The following TTN variants were observed in gnomAD, a reference collection of about 807,000 sequenced individuals.
TTN encodes the protein titin, also known as connectin.
TTN carries 1,525 observed loss-of-function variants against 3,223.0 expected under a neutral mutation model. The ratio of observed to expected loss-of-function variants is 0.47; its 90% CI spans 0.45 to 0.49. The LOEUF (loss-of-function observed/expected upper bound fraction) is 0.49, where lower values mean the gene tolerates loss of function less well. Among genes scored for constraint, TTN ranks in the 20% least tolerant of loss-of-function variants. The pLI is 0.00. For synonymous variants in TTN, 14,094 were observed against 15,161.0 expected (o/e 0.93, Z 5.17); for missense variants, 40,786 against 43,424.0 (o/e 0.94, Z 5.40).
chr2:178,751,441 C>A, intron 47 of TTN: 1 of 1,612,982 alleles, frequency 6.2e-7, no homozygotes, highest in Non-Finnish European at 8.5e-7. Flanking sequence ...TAGTTCTCAT[C>A]ATTCCCTTTT....
In TTN at chr2:178,594,342, ACCCAGCTCAT is replaced by A. The variant is rs1360755758; in HGVS notation, c.58142_58150+1del. On this transcript the variant is annotated splice_donor_variant and coding_sequence_variant, in exon 296 of 363. Coordinates refer to ENST00000589042, the MANE Select transcript of TTN (RefSeq NM_001267550.2). LOFTEE classifies it high-confidence loss of function. The stretch of plus-strand genomic sequence containing the variant: ...GAAGTATAAATTGTAGTAGACACAT[ACCCAGCTCAT>A]CCTTGCAAGTAATTGGTTTGGTGCA... 1 of 1,592,854 alleles carries A rather than the reference ACCCAGCTCAT, an allele frequency of 6.3e-7. No homozygotes were observed. Among genetic ancestry groups the A allele is most frequent in the South Asian group, 1.1e-5 (1 of 87,040 alleles).
intron 121 of TTN, among the ~76,000 whole-genome samples, chr2:178,690,563 A>T (rs546521986): frequency 6.6e-6 from 1 of 152,188 alleles, no homozygotes; most frequent in South Asian, 2.1e-4. Context: ...AAAAATGTTT[A>T]CAGTGTATTT....
In TTN at chr2:178,714,022, C is replaced by A; in HGVS notation, c.26636G>T (p.Ser8879Ile). The change falls in exon 92 of 363, where the codon AGC becomes ATC. Residue 8879 changes from serine to isoleucine, a missense_variant. Ser to Ile is a moderately radical substitution (Grantham distance 142, BLOSUM62 -2). Coordinates refer to ENST00000589042, the MANE Select transcript of TTN (RefSeq NM_001267550.2). The stretch of plus-strand genomic sequence containing the variant: ...AAGGCCGGATACTTTGTTGAAGAAG[C>A]TTATTTTGTATTTGTTGTCACTTGT... ...ELTSDNKYKI[S>I]FFNKVSGLKI... 1 of 1,613,518 alleles carries A rather than the reference C, an allele frequency of 6.2e-7. No homozygotes were observed. Among genetic ancestry groups the A allele is most frequent in the Non-Finnish European group, 8.5e-7 (1 of 1,179,652 alleles).
chr2:178,775,042 G>C lies in TTN; in HGVS notation c.6669C>G (p.His2223Gln), dbSNP rs1237315602. ...AGAGGAAGTGAACCTTTCTGTCAGAGTGCATCCTGTATTTATCTCCCTCAT... is the reference window on the plus strand; with the variant it reads ...AGAGGAAGTGAACCTTTCTGTCAGACTGCATCCTGTATTTATCTCCCTCAT... ...EVHEGDKYRM[H>Q]SDRKVHFLSI... The change falls in exon 29 of 363, where the codon CAC becomes CAG. Residue 2223 changes from histidine to glutamine, a missense_variant. Transcript: ENST00000589042. 1 of 1,614,020 alleles carries C rather than the reference G, an allele frequency of 6.2e-7. No individual in the cohort carries two copies. The highest frequency in any genetic ancestry group is 1.7e-5 in the Admixed American group (1 of 60,008).
Position 178,559,558 on chromosome 2 carries a change from G to A in TTN, c.86574C>T (p.Thr28858=), listed in dbSNP as rs1419529402. The A allele has an allele frequency of 3.7e-6, 6 of 1,613,758 alleles. No homozygotes were observed. The South Asian group carries it at 6.6e-5, about 18-fold the overall frequency. The change falls in exon 326 of 363, where the codon ACC becomes ACT. Residue 28858 remains threonine (T), a synonymous_variant. Transcript: ENST00000589042. ...CCCAGGATAACACTGCAGACTCTTTGGTTACATCTTGCACAGTAATGTTGG... is the reference window on the plus strand; with the variant it reads ...CCCAGGATAACACTGCAGACTCTTTAGTTACATCTTGCACAGTAATGTTGG... ...PPTNITVQDV[T]KESAVLSWDV...
At position 178,538,298 on chromosome 2, in the gene TTN, A is replaced by G. The variant is rs957818289; in HGVS notation, c.99289+242T>C. 4 of 483,742 alleles carry G rather than the reference A, an allele frequency of 8.3e-6. No individual in the cohort carries two copies. In the Admixed American group the frequency reaches 1.5e-4, roughly 18 times the overall value. The allele number at this position is 483,742 out of a possible 1,614,324, so 30.0% of individuals were successfully genotyped here. ...TGGGAAATATTTTTAAAAAGAAACC[A>G]TTGCATTAGAGGGAATTACTCAAGG... On this transcript the variant is annotated intron_variant, in intron 354 of 362. Coordinates refer to ENST00000589042, the MANE Select transcript of TTN (RefSeq NM_001267550.2).
In TTN at chr2:178,563,855, G is replaced by A. The variant is rs774473418; in HGVS notation, c.82277C>T (p.Ala27426Val). 11 of 1,613,598 alleles carry A rather than the reference G, an allele frequency of 6.8e-6. 1 individual carries two copies. The highest frequency in any genetic ancestry group is 5.0e-5 in the Admixed American group (3 of 59,970). The change falls in exon 326 of 363, where the codon GCC becomes GTC. Residue 27426 changes from alanine (A) to valine (V), a missense_variant. By Grantham distance (64) the Ala-to-Val change is moderately conservative. Transcript: ENST00000589042. This position sits in a 1 kb window ranked among gnomAD's most constrained non-coding sequence, Gnocchi z 4.5. Reference sequence around the variant, plus strand: ...AAGTTTAGTAACTTTGTAGTTAAGGGCCTGTACCTCAGTTGAAACCTGGGT... The same window carrying A: ...AAGTTTAGTAACTTTGTAGTTAAGGACCTGTACCTCAGTTGAAACCTGGGT... ...SWTQVSTEVQ[A>V]LNYKVTKLLP...
chr2:178,737,804 G>A, intron 49 of TTN: 1 of 312,288 alleles, frequency 3.2e-6, no homozygotes. Context: ...AAACTGTCCT[G>A]ATATGTTTTA....
At chr2:178,747,544 G>A (rs1574203344) in intron 47 of TTN, 1 of 1,613,280 alleles carries the variant, frequency 6.2e-7, no homozygotes, top group African/African-American at 1.3e-5. Context: ...GTTTCTGGTT[G>A]TAGTATTCAT....
At position 178,534,816 on chromosome 2, in the gene TTN, A is replaced by T. The variant is rs757788117; in HGVS notation, c.101799T>A (p.His33933Gln). 1 of 1,610,864 alleles carries T rather than the reference A, an allele frequency of 6.2e-7. No individual in the cohort carries two copies. The highest frequency in any genetic ancestry group is 1.3e-5 in the African/African-American group (1 of 74,920). Residue 33933 changes from histidine to glutamine, a missense_variant, in exon 358 of 363, where the codon CAT becomes CAA. His to Gln is a conservative substitution (Grantham distance 24). Coordinates refer to ENST00000589042, the MANE Select transcript of TTN (RefSeq NM_001267550.2). ...GTCTAATGTCAAAGTGTCCAATATT[A>T]TGACTGTGTAAAAACTGAAGTGCTT... is the stretch of plus-strand genomic sequence containing the variant. The part of the protein sequence containing the change: ...VCEALQFLHS[H>Q]NIGHFDIRPE...
intron 97 of TTN, 52 bp from the exon 98 acceptor site, chr2:178,710,974 C>G: frequency 6.4e-7 from 1 of 1,560,510 alleles, no homozygotes; most frequent in Non-Finnish European, 8.7e-7. Context: ...TGGACCATGT[C>G]AGTTTACTGA....
chr2:178,784,788 C>G (rs147672286), intron 15 of TTN, among the ~76,000 whole-genome samples: 111 of 152,248 alleles, frequency 7.3e-4, no homozygotes, highest in African/African-American at 2.3e-3. Context: ...AGCCACAAAT[C>G]TATGTGAAAG....
At chr2:178,665,346 C>T in intron 165 of TTN, 31 bp downstream of exon 165, 1 of 1,585,540 alleles carries the variant, frequency 6.3e-7, no homozygotes, top group Non-Finnish European at 8.7e-7. Flanking sequence ...CAGATAATTT[C>T]TTCTTCCACA....
At position 178,709,586 on chromosome 2, in the gene TTN, G is replaced by A. The variant is rs184923756; in HGVS notation, c.28733C>T (p.Thr9578Met). 1.9e-4 allele frequency: 299 copies of A among 1,610,984 alleles called. No homozygotes were observed. Among genetic ancestry groups the A allele is most frequent in the Non-Finnish European group, 2.2e-4 (259 of 1,177,414 alleles). ...VSNDAGSALCTSSIVIKEPKK... is the reference protein window; with the variant it reads ...VSNDAGSALCMSSIVIKEPKK... ...CTCACCTTTGATGACGATTGAAGAC[G>A]TGCACAGAGCAGAGCCTGCATCATT... Residue 9578 changes from threonine to methionine, a missense_variant, in exon 99 of 363, where the codon ACG becomes ATG. Physicochemically the swap from Thr to Met is moderately conservative, Grantham distance 81. Coordinates refer to ENST00000589042, the MANE Select transcript of TTN (RefSeq NM_001267550.2).
At chr2:178,719,040 T>A (rs1311884426) in intron 83 of TTN, 67 bp from the exon 84 acceptor site, 1 of 1,517,940 alleles carries the variant, frequency 6.6e-7, no homozygotes, top group Non-Finnish European at 8.8e-7. Flanking sequence ...GTGCTTTTGC[T>A]CCTTAAAAAA....
chr2:178,799,975 T>A, intron 4 of TTN, 65 bp from the exon 5 acceptor site: 1 of 1,545,762 alleles, frequency 6.5e-7, no homozygotes, highest in Non-Finnish European at 8.9e-7. Flanking sequence ...AGAGATTCTG[T>A]TAATTCTGAC....
At chr2:178,749,633 T>C in intron 47 of TTN, 1 of 1,612,480 alleles carries the variant, frequency 6.2e-7, no homozygotes. Context: ...GAATTGACTA[T>C]TTTCTCTATA....
chr2:178,531,318 A>G lies in TTN; in HGVS notation c.105297T>C (p.Ser35099=), dbSNP rs1461889860. ...TRESLSSYEH[S]ASAEMKSAAL... Reference sequence around the variant, plus strand: ...CAGCACTTTTCATTTCTGCAGATGCAGAGTGTTCATATGAGGAGAGACTTT... The same window carrying G: ...CAGCACTTTTCATTTCTGCAGATGCGGAGTGTTCATATGAGGAGAGACTTT... Residue 35099 remains serine, a synonymous_variant, in exon 358 of 363, where the codon TCT becomes TCC. Coordinates refer to ENST00000589042, the MANE Select transcript of TTN (RefSeq NM_001267550.2). 1.2e-6 allele frequency: 2 copies of G among 1,614,022 alleles called. No homozygotes were observed. The highest frequency in any genetic ancestry group is 1.7e-6 in the Non-Finnish European group (2 of 1,179,890).
intron 70 of TTN, 24 bp downstream of exon 70, chr2:178,725,744 G>T: frequency 2.6e-6 from 4 of 1,562,360 alleles, no homozygotes; most frequent in Non-Finnish European, 3.5e-6. Flanking sequence ...TGACATTTCT[G>T]CCATGTGGAT....
Sources: allele counts gnomAD v4.1 joint callset (sites outside exome capture counted in the v4.1 genomes callset), GRCh38; gene constraint gnomAD v4.1.1; non-coding constraint Gnocchi (gnomAD v3.1); transcripts MANE v1.5; gene names NCBI Gene and HGNC (gene_info 2026-07-23, HGNC 2026-07-21).